The following PCDH11X variants were observed in gnomAD, a reference collection of about 807,000 sequenced individuals.
The protein encoded by PCDH11X is protocadherin 11 X-linked.
Under a neutral mutation model 53.3 loss-of-function variants are expected in PCDH11X, and 18 were observed. The observed-to-expected ratio is 0.34, with a 90% confidence interval of 0.23 to 0.50. The LOEUF (loss-of-function observed/expected upper bound fraction) is 0.50. PCDH11X is among the 20% of genes least tolerant of loss of function. The pLI is 0.98. For missense variants in PCDH11X, 570 were observed against 1,032.4 expected (o/e 0.55, Z 6.14); for synonymous variants, 279 against 393.3 (o/e 0.71, Z 3.44).
rs773100082 is a variant in PCDH11X, at chrX:91,861,915, A to G, written c.541-14866A>G. ...TGCATCAACTGCCTAGTCAGTCCCAATGTGAGAACCTGGATACCTTAGTTG... is the reference window on the plus strand; with the variant it reads ...TGCATCAACTGCCTAGTCAGTCCCAGTGTGAGAACCTGGATACCTTAGTTG... On this transcript the variant is annotated intron_variant, in intron 5 of 10. Transcript: ENST00000682573. Among the ~76,000 whole-genome samples, 312 of 110,702 alleles carry G rather than the reference A, an allele frequency of 2.8e-3. 1 individual carries two copies. The highest frequency in any genetic ancestry group is 9.8e-3 in the African/African-American group (295 of 30,090).
chrX:92,125,852 C>T lies in PCDH11X; in HGVS notation c.3034-75523C>T, dbSNP rs34732458. On this transcript the variant is annotated intron_variant, in intron 6 of 10. Coordinates refer to ENST00000682573, the MANE Select transcript of PCDH11X (RefSeq NM_032968.5). ...TTTTAAAAGTAAACTTGAGGCTGGG[C>T]GCAGTGTCTCACGCCTGTAATCCCA... 1.0e-4 allele frequency among the ~76,000 whole-genome samples: 11 copies of T among 110,365 alleles called. No individual in the cohort carries two copies. The East Asian group carries it at 1.7e-3, about 17-fold the overall frequency.
At chrX:92,009,696 T>C (rs2062657189) in intron 6 of PCDH11X, among the ~76,000 whole-genome samples, 1 of 92,557 alleles carries the variant, frequency 1.1e-5, no homozygotes, top group Admixed American at 1.4e-4. Flanking sequence ...ACAGTGACTG[T>C]TGCCTTTTTT....
At chrX:92,391,491 A>G (rs1301416906) in intron 9 of PCDH11X, among the ~76,000 whole-genome samples, 3 of 110,750 alleles carry the variant, frequency 2.7e-5, no homozygotes, top group African/African-American at 9.8e-5. Flanking sequence ...GTATGGCCCT[A>G]TGTTCCTATC....
At chrX:91,800,233 T>C (rs760182575) in intron 1 of PCDH11X, among the ~76,000 whole-genome samples, 1 of 111,319 alleles carries the variant, frequency 9.0e-6, no homozygotes, top group South Asian at 3.8e-4. Flanking sequence ...AGATTAAATA[T>C]TTTACTGCAG....
At chrX:91,843,279 G>A (rs1254034260) in intron 5 of PCDH11X, among the ~76,000 whole-genome samples, 2 of 107,898 alleles carry the variant, frequency 1.9e-5, no homozygotes, top group Non-Finnish European at 3.8e-5. Flanking sequence ...GTGTGTGTGT[G>A]TGTGTGTGTG....
intron 8 of PCDH11X, among the ~76,000 whole-genome samples, chrX:92,332,416 T>G (rs1463500557): frequency 9.2e-6 from 1 of 108,282 alleles, no homozygotes; most frequent in Admixed American, 9.5e-5. Context: ...ATGTGTGCAT[T>G]CACATGCATG....
At position 92,533,318 on chromosome X, in the gene PCDH11X, A is replaced by G. The variant is rs1246349436; in HGVS notation, c.3367+64996A>G. Among the ~76,000 whole-genome samples the G allele has an allele frequency of 8.1e-5, 9 of 111,070 alleles. No individual in the cohort carries two copies. The South Asian group carries it at 2.0e-3, about 24-fold the overall frequency. On this transcript the variant is annotated intron_variant, in intron 10 of 10. Coordinates refer to ENST00000682573, the MANE Select transcript of PCDH11X (RefSeq NM_032968.5). ...GGAAGTTGAGGTCTACCAGAGGACA[A>G]ACTAGAAAAAAAAAATGTCCTACTT...
intron 6 of PCDH11X, among the ~76,000 whole-genome samples, chrX:91,881,405 A>G (rs1363145629): frequency 1.8e-5 from 2 of 111,487 alleles, no homozygotes; most frequent in East Asian, 5.6e-4. Flanking sequence ...GGACTATCTT[A>G]GAATCATTGA....
chrX:91,811,395 C>G, intron 4 of PCDH11X, 100 bp downstream of exon 4: 1 of 707,075 alleles, frequency 1.4e-6, no homozygotes, highest in Non-Finnish European at 2.1e-6. Flanking sequence ...ATGTTTGAAG[C>G]TTTCATTTTC....
chrX:91,795,229 G>T (rs1276242952), intron 1 of PCDH11X, among the ~76,000 whole-genome samples: 8 of 111,795 alleles, frequency 7.2e-5, no homozygotes, highest in Non-Finnish European at 1.9e-5. Context: ...TATGAGCTAT[G>T]AACAGTTACA....
At position 92,620,014 on chromosome X, in the gene PCDH11X, A is replaced by G. The variant is rs757136995; in HGVS notation, c.*1074A>G. The G allele has an allele frequency of 9.0e-6, 1 of 111,221 alleles. No individual in the cohort carries two copies. Among genetic ancestry groups the G allele is most frequent in the Non-Finnish European group, 1.9e-5 (1 of 52,983 alleles). 9.2% of individuals were successfully genotyped at this position (111,221 alleles called of 1,213,427 possible). A position where few individuals can be genotyped will look rare whatever the true frequency, so the allele number is the denominator to read the frequency against. On this transcript the variant is annotated 3_prime_UTR_variant, in exon 11 of 11. Transcript: ENST00000682573. ...GATAAAACCATATACTAAATCTATAAGACTAAGGGATTTTTGTTATTCTAG... is the reference window on the plus strand; with the variant it reads ...GATAAAACCATATACTAAATCTATAGGACTAAGGGATTTTTGTTATTCTAG...
intron 4 of PCDH11X, among the ~76,000 whole-genome samples, chrX:91,821,599 T>C (rs1371790732): frequency 9.4e-6 from 1 of 106,743 alleles, no homozygotes; most frequent in Non-Finnish European, 1.9e-5. Context: ...TTTCTAGATA[T>C]ACAATCATGT....
At chrX:91,820,627 G>A (rs1268653474) in intron 4 of PCDH11X, among the ~76,000 whole-genome samples, 1 of 102,003 alleles carries the variant, frequency 9.8e-6, no homozygotes, top group Non-Finnish European at 1.9e-5. Flanking sequence ...TAGGTTGCCT[G>A]TTCACTCTGA....
intron 6 of PCDH11X, among the ~76,000 whole-genome samples, chrX:92,019,573 A>G (rs866522481): frequency 8.9e-6 from 1 of 112,092 alleles, no homozygotes; most frequent in Middle Eastern, 4.6e-3. Context: ...AAACCATACG[A>G]TTACATGGAA....
chrX:92,607,680 C>T (rs1461141656), intron 10 of PCDH11X, among the ~76,000 whole-genome samples: 1 of 111,556 alleles, frequency 9.0e-6, no homozygotes, highest in African/African-American at 3.3e-5. Flanking sequence ...GTGAAAATGA[C>T]TTTGCATCAA....
At chrX:91,962,432 G>T (rs1287588478) in intron 6 of PCDH11X, among the ~76,000 whole-genome samples, 1 of 112,599 alleles carries the variant, frequency 8.9e-6, no homozygotes, top group African/African-American at 3.2e-5. Context: ...TCACATACAA[G>T]GTGTGCTGAT....
intron 6 of PCDH11X, among the ~76,000 whole-genome samples, chrX:92,147,790 T>TTTCCTCC (rs1472897158): frequency 1.1e-5 from 1 of 92,326 alleles, no homozygotes; most frequent in East Asian, 3.5e-4. Context: ...CTTTCTTTCT[T>TTTCCTCC]TTCCTTTCTT....
At chrX:92,241,259 T>C (rs985930915) in intron 7 of PCDH11X, among the ~76,000 whole-genome samples, 5 of 111,922 alleles carry the variant, frequency 4.5e-5, no homozygotes, top group African/African-American at 1.6e-4. Context: ...AATGCATATA[T>C]AGGTGACTAT....
chrX:92,320,728 C>A (rs2069180804), intron 8 of PCDH11X, among the ~76,000 whole-genome samples: 1 of 111,241 alleles, frequency 9.0e-6, no homozygotes. Flanking sequence ...GGGTTACAGC[C>A]TGTAAGGGGT....
Sources: allele counts gnomAD v4.1 joint callset (sites outside exome capture counted in the v4.1 genomes callset), GRCh38; gene constraint gnomAD v4.1.1; transcripts MANE v1.5; gene names NCBI Gene and HGNC (gene_info 2026-07-23, HGNC 2026-07-21).